PLEKHD1: variants seen among roughly 807,000 people sequenced by gnomAD.
PLEKHD1 encodes pleckstrin homology domain-containing family D member 1.
Under a neutral mutation model 69.2 loss-of-function variants are expected in PLEKHD1, and 51 were observed. The observed-to-expected ratio is 0.74, with a 90% CI of 0.59 to 0.93. The LOEUF is 0.93. Ranked by LOEUF, PLEKHD1 falls within the 40% of genes least tolerant of loss-of-function variation. The pLI, the probability that PLEKHD1 is intolerant of heterozygous loss-of-function variation, is 0.00. For synonymous variants in PLEKHD1, 236 were observed against 244.7 expected (o/e 0.96, Z 0.33); for missense variants, 584 against 641.0 (o/e 0.91, Z 0.96).
chr14:69,502,803 G>GT, intron 5 of PLEKHD1, 24 bp from the exon 6 acceptor site: 1 of 1,551,148 alleles, frequency 6.4e-7, no homozygotes, highest in Non-Finnish European at 8.7e-7. Flanking sequence ...GTGTGCATGT[G>GT]TGTGTGTGTG....
In PLEKHD1 at chr14:69,500,188, T is replaced by C. The variant is rs967276053; in HGVS notation, c.223T>C (p.Tyr75His). 1.3e-6 allele frequency: 2 copies of C among 1,548,146 alleles called. No individual in the cohort carries two copies. Among genetic ancestry groups the C allele is most frequent in the African/African-American group, 2.7e-5 (2 of 72,916 alleles). ...AAAAAAGAGCTTTGAAACCAATAAA[T>C]ACTTCAATATACATCCTAAGGTGAG... ...SEKKSFETNK[Y>H]FNIHPKGVIP... Residue 75 changes from tyrosine to histidine, a missense_variant, in exon 2 of 13, where the codon TAC becomes CAC. By Grantham distance (83) the Tyr-to-His change is moderately conservative (BLOSUM62 2). Transcript: ENST00000322564.
chr14:69,524,292 C>T lies in PLEKHD1; in HGVS notation c.714C>T (p.His238=). 6.4e-7 allele frequency: 1 copy of T among 1,551,556 alleles called. No homozygotes were observed. Among genetic ancestry groups the T allele is most frequent in the South Asian group, 1.2e-5 (1 of 84,052 alleles). The stretch of plus-strand genomic sequence containing the variant: ...AACAAGAGAAAAAGGAACTGAGGCA[C>T]CTCACGGAGTCCTTGCAGCAGACAC... ...GVEQEKKELR[H]LTESLQQTLE... is the part of the protein sequence containing the mutation. The change falls in exon 8 of 13, where the codon CAC becomes CAT. Residue 238 remains histidine, a synonymous_variant. Transcript: ENST00000322564.
intron 6 of PLEKHD1, among the ~76,000 whole-genome samples, chr14:69,521,580 C>T (rs150638200): frequency 3.9e-5 from 6 of 152,288 alleles, no homozygotes; most frequent in African/African-American, 7.2e-5. Flanking sequence ...AGCCAAATTA[C>T]GTGAAATGTG....
chr14:69,507,842 G>T (rs1428784711), intron 6 of PLEKHD1, among the ~76,000 whole-genome samples: 1 of 152,028 alleles, frequency 6.6e-6, no homozygotes, highest in Non-Finnish European at 1.5e-5. Context: ...CTGAGTAGCT[G>T]GGACTATAGG....
At chr14:69,483,256 A>G (rs1566934295), upstream of PLEKHD1, among the ~76,000 whole-genome samples, 4 of 151,918 alleles carry the variant, frequency 2.6e-5, no homozygotes, top group Non-Finnish European at 5.9e-5. Context: ...AGGGAAGAGT[A>G]CCAGGGTGAT....
intron 6 of PLEKHD1, among the ~76,000 whole-genome samples, chr14:69,513,316 C>T (rs542250965): frequency 2.0e-5 from 3 of 152,136 alleles, no homozygotes; most frequent in South Asian, 2.1e-4. Context: ...GCGAATCAGG[C>T]AGCCCTCAGA....
intron 1 of PLEKHD1, among the ~76,000 whole-genome samples, chr14:69,492,079 GACT>G (rs1882788741): frequency 6.6e-6 from 1 of 152,058 alleles, no homozygotes; most frequent in South Asian, 2.1e-4. Flanking sequence ...TCTTCACAAG[GACT>G]ACTCACTCTG....
At chr14:69,527,433 C>A (rs1469487698) in intron 11 of PLEKHD1, 101 bp downstream of exon 11, 1 of 1,471,344 alleles carries the variant, frequency 6.8e-7, no homozygotes, top group Non-Finnish European at 9.2e-7. Context: ...GTCTGCTAGG[C>A]ATGAGGTGCT....
At position 69,517,084 on chromosome 14, in the gene PLEKHD1, G is replaced by C. The variant is rs1883400773; in HGVS notation, c.556-5199G>C. Among the ~76,000 whole-genome samples, 3 of 152,034 alleles carry C rather than the reference G, an allele frequency of 2.0e-5. No homozygotes were observed. The South Asian group carries it at 6.2e-4, about 32-fold the overall frequency. On this transcript the variant is annotated intron_variant, in intron 6 of 12. Coordinates refer to ENST00000322564, the MANE Select transcript of PLEKHD1 (RefSeq NM_001161498.2). The stretch of plus-strand genomic sequence containing the variant: ...AGACCTAATAGCAGTGTGAACCAGA[G>C]CAGGGCAGTGAGATGAAGAGAAGTT...
intron 1 of PLEKHD1, among the ~76,000 whole-genome samples, chr14:69,486,880 AAGG>A (rs1285395718): frequency 6.6e-6 from 1 of 152,182 alleles, no homozygotes; most frequent in Non-Finnish European, 1.5e-5. Context: ...TGGTAGTGCC[AAGG>A]AGGCTTGGAG....
chr14:69,500,437 T>A (rs1387567238), intron 2 of PLEKHD1, 140 bp from the exon 3 acceptor site: 2 of 723,950 alleles, frequency 2.8e-6, no homozygotes, highest in Non-Finnish European at 4.5e-6. Context: ...ACATCAGTTC[T>A]GGCCTCTGTC....
upstream of PLEKHD1, among the ~76,000 whole-genome samples, chr14:69,483,886 C>G: frequency 6.6e-6 from 1 of 152,232 alleles, no homozygotes; most frequent in East Asian, 1.9e-4. Context: ...CGGCATCTCC[C>G]TGGCCTGAAA....
Position 69,528,661 on chromosome 14 carries a change from GTGC to G in PLEKHD1, c.*245_*247del. 3.5e-6 allele frequency: 2 copies of G among 566,132 alleles called. No homozygotes were observed. Among genetic ancestry groups the G allele is most frequent in the Non-Finnish European group, 6.2e-6 (2 of 321,548 alleles). 35.1% of individuals were successfully genotyped at this position (566,132 alleles called of 1,614,324 possible). A position where few individuals can be genotyped will look rare whatever the true frequency, so the allele number is the denominator to read the frequency against. On this transcript the variant is annotated 3_prime_UTR_variant, in exon 13 of 13. Transcript: ENST00000322564. Reference sequence around the variant, plus strand: ...CCAGGGCCATGCAGGCCTGAGCTGGGTGCTGGTTGTCATGGTGAGGTGAGGACA... The same window carrying G: ...CCAGGGCCATGCAGGCCTGAGCTGGGTGGTTGTCATGGTGAGGTGAGGACA...
chr14:69,525,868 C>T lies in PLEKHD1; in HGVS notation c.745-76C>T, dbSNP rs367758195. The T allele has an allele frequency of 8.8e-4, 1,230 of 1,393,798 alleles. 8 individuals are homozygous for T. The highest frequency in any genetic ancestry group is 8.7e-3 in the South Asian group (607 of 69,998). The allele number at this position is 1,393,798 out of a possible 1,614,324, so 86.3% of individuals were successfully genotyped here. On this transcript the variant is annotated intron_variant, in intron 8 of 12. Coordinates refer to ENST00000322564, the MANE Select transcript of PLEKHD1 (RefSeq NM_001161498.2). The stretch of plus-strand genomic sequence containing the variant: ...GAGAGGAGTGGGTCACTCCCCCAAA[C>T]GGAAAAGCAGGTGAGGGCAGCCACG...
chr14:69,486,771 C>G (rs762047405), intron 1 of PLEKHD1, among the ~76,000 whole-genome samples: 1 of 152,192 alleles, frequency 6.6e-6, no homozygotes, highest in Non-Finnish European at 1.5e-5. Context: ...CCCTTCACCA[C>G]TGCAGGTACA....
At chr14:69,508,022 C>T (rs1310375385) in intron 6 of PLEKHD1, among the ~76,000 whole-genome samples, 2 of 152,156 alleles carry the variant, frequency 1.3e-5, no homozygotes, top group Admixed American at 6.5e-5. Flanking sequence ...ATGAGTTTAG[C>T]GGTAGCTCGT....
chr14:69,484,853 C>T lies in PLEKHD1; in HGVS notation c.-113C>T. 7.6e-7 allele frequency: 1 copy of T among 1,313,828 alleles called. No individual in the cohort carries two copies. The highest frequency in any genetic ancestry group is 1.0e-6 in the Non-Finnish European group (1 of 969,342). 81.4% of individuals were successfully genotyped at this position (1,313,828 alleles called of 1,614,324 possible). A position where few individuals can be genotyped will look rare whatever the true frequency, so the allele number is the denominator to read the frequency against. ...TGCAGCTCCGGGCCGGGCCGCTCTG[C>T]TTCTCTGCTCGCTGGGACGCTCTCC... On this transcript the variant is annotated 5_prime_UTR_variant, in exon 1 of 13. Transcript: ENST00000322564.
chr14:69,522,153 C>A, intron 6 of PLEKHD1, 130 bp from the exon 7 acceptor site: 1 of 802,100 alleles, frequency 1.2e-6, no homozygotes, highest in Non-Finnish European at 2.0e-6. Flanking sequence ...GAACTTAATT[C>A]CCGGTCTGGT....
chr14:69,502,683 C>T (rs1883056564), intron 5 of PLEKHD1, 144 bp from the exon 6 acceptor site: 1 of 988,568 alleles, frequency 1.0e-6, no homozygotes, highest in African/African-American at 1.6e-5. Flanking sequence ...GGAGCTGGCC[C>T]ACCCTCTGGC....
Sources: allele counts gnomAD v4.1 joint callset (sites outside exome capture counted in the v4.1 genomes callset), GRCh38; gene constraint gnomAD v4.1.1; transcripts MANE v1.5; gene names NCBI Gene and HGNC (gene_info 2026-07-23, HGNC 2026-07-21).